The following PTPRN2 variants were observed in gnomAD, a reference collection of about 807,000 sequenced individuals.
PTPRN2 encodes protein tyrosine phosphatase receptor type N2.
PTPRN2 carries 74 observed loss-of-function variants against 118.8 expected under a neutral mutation model. That is an observed-to-expected ratio of 0.62 (90% CI 0.52 to 0.76). The LOEUF (loss-of-function observed/expected upper bound fraction) is 0.76. Ranked by LOEUF, PTPRN2 falls within the 30% of genes least tolerant of loss-of-function variation. PTPRN2 has a pLI of 0.00. For synonymous variants in PTPRN2, 641 were observed against 608.0 expected (o/e 1.05, Z -0.80); for missense variants, 1,481 against 1,394.4 (o/e 1.06, Z -0.99).
At chr7:158,152,045 A>G (rs557216296) in intron 6 of PTPRN2, among the ~76,000 whole-genome samples, 8 of 152,000 alleles carry the variant, frequency 5.3e-5, no homozygotes, top group South Asian at 2.1e-4. Context: ...GTGGTGGCAG[A>G]CGCCTGTAGT....
intron 12 of PTPRN2, among the ~76,000 whole-genome samples, chr7:157,720,738 A>G (rs1799188177): frequency 6.6e-6 from 1 of 152,168 alleles, no homozygotes; most frequent in Non-Finnish European, 1.5e-5. Context: ...CTCACTCTTT[A>G]TAATAGAAAT....
rs985036271 is a variant in PTPRN2, at chr7:158,039,866, C to T, written c.1723+41432G>A. Among the ~76,000 whole-genome samples the T allele has an allele frequency of 2.6e-5, 4 of 152,160 alleles. 1 individual carries two copies. Among genetic ancestry groups the T allele is most frequent in the African/African-American group, 4.8e-5 (2 of 41,508 alleles). ...TATGAGAAGTGCTCTAGTGAGAAAACGGACAATGTGTAGGAACAGATGGGT... is the reference window on the plus strand; with the variant it reads ...TATGAGAAGTGCTCTAGTGAGAAAATGGACAATGTGTAGGAACAGATGGGT... On this transcript the variant is annotated intron_variant, in intron 11 of 22. Transcript: ENST00000389418.
At chr7:158,569,446 C>T (rs1378855919) in intron 1 of PTPRN2, among the ~76,000 whole-genome samples, 1 of 152,270 alleles carries the variant, frequency 6.6e-6, no homozygotes, top group Non-Finnish European at 1.5e-5. Flanking sequence ...CCCTGACACC[C>T]TCCCCGGGAC....
intron 12 of PTPRN2, among the ~76,000 whole-genome samples, chr7:157,736,542 C>T (rs1228463309): frequency 1.3e-5 from 2 of 152,052 alleles, no homozygotes; most frequent in Non-Finnish European, 2.9e-5. Context: ...GGAAGAACCG[C>T]CCCCACCCCC....
intron 13 of PTPRN2, among the ~76,000 whole-genome samples, chr7:157,673,259 G>A (rs1194814473): frequency 1.3e-5 from 2 of 152,152 alleles, no homozygotes; most frequent in African/African-American, 2.4e-5. Flanking sequence ...CCTGACCTCA[G>A]GTGATCTGCC....
chr7:158,110,853 G>T lies in PTPRN2; in HGVS notation c.1619C>A (p.Pro540His). 1 of 1,589,446 alleles carries T rather than the reference G, an allele frequency of 6.3e-7. No individual in the cohort carries two copies. The highest frequency in any genetic ancestry group is 1.1e-5 in the South Asian group (1 of 87,320). The change falls in exon 10 of 23, where the codon CCC becomes CAC. Residue 540 changes from proline (P) to histidine (H), a missense_variant. This residue lies in a region of PTPRN2 where 1,115 missense variants were observed against 994.2 expected (regional missense o/e 1.12). Coordinates refer to ENST00000389418, the MANE Select transcript of PTPRN2 (RefSeq NM_002847.5). Reference protein sequence around the residue: ...VEDVARLLQVPSSAFADVEVL... With the variant: ...VEDVARLLQVHSSAFADVEVL... Reference sequence around the variant, plus strand: ...CTCCACGTCAGCGAACGCACTGCTGGGCACCTGCAGGAGGCGGGCGACGTC... The same window carrying T: ...CTCCACGTCAGCGAACGCACTGCTGTGCACCTGCAGGAGGCGGGCGACGTC...
At chr7:158,095,055 T>C (rs1585418997) in intron 10 of PTPRN2, among the ~76,000 whole-genome samples, 2 of 152,218 alleles carry the variant, frequency 1.3e-5, no homozygotes, top group African/African-American at 4.8e-5. Context: ...GTCCTGTAAC[T>C]GGGGCAGGTT....
At chr7:158,070,308 C>G (rs28712645) in intron 11 of PTPRN2, among the ~76,000 whole-genome samples, 29,163 of 135,946 alleles carry the variant, frequency 0.21, 3,810 homozygotes, top group East Asian at 0.6. Flanking sequence ...GGAGGTGCTC[C>G]TGGTGGTGGA....
At chr7:157,855,268 G>C (rs979229046) in intron 12 of PTPRN2, among the ~76,000 whole-genome samples, 13 of 152,132 alleles carry the variant, frequency 8.5e-5, no homozygotes, top group Non-Finnish European at 1.9e-4. Context: ...CGTGCTCTGC[G>C]GACGCCCAGG....
chr7:157,919,986 T>C lies in PTPRN2; in HGVS notation c.1724-21249A>G, dbSNP rs187190153. On this transcript the variant is annotated intron_variant, in intron 11 of 22. Transcript: ENST00000389418. ...TGCCTACAGTATTAGTATAGTAACA[T>C]GTTGTGCAGGTTTGTAGCCTAGCAG... 3.0e-4 allele frequency among the ~76,000 whole-genome samples: 45 copies of C among 152,330 alleles called. 2 individuals are homozygous for C. In the East Asian group the frequency reaches 6.5e-3, roughly 22 times the overall value.
intron 9 of PTPRN2, among the ~76,000 whole-genome samples, chr7:158,113,386 G>A (rs568143957): frequency 1.3e-5 from 2 of 152,294 alleles, no homozygotes; most frequent in South Asian, 2.1e-4. Flanking sequence ...GCTGGAAGAC[G>A]TCTAGGATGC....
intron 11 of PTPRN2, among the ~76,000 whole-genome samples, chr7:157,972,321 C>T (rs1458184394): frequency 6.6e-6 from 1 of 152,214 alleles, no homozygotes; most frequent in Non-Finnish European, 1.5e-5. Context: ...TGCAGAGGCA[C>T]CTGGAATGAG....
Position 157,903,902 on chromosome 7 carries a change from G to C in PTPRN2, c.1724-5165C>G, listed in dbSNP as rs1172047621. ...ACAAGCAGCTGTGAGGACCACGTGGGAGCCTCTGAGCCAGCATGGCCCAGG... is the reference window on the plus strand; with the variant it reads ...ACAAGCAGCTGTGAGGACCACGTGGCAGCCTCTGAGCCAGCATGGCCCAGG... On this transcript the variant is annotated intron_variant, in intron 11 of 22. Coordinates refer to ENST00000389418, the MANE Select transcript of PTPRN2 (RefSeq NM_002847.5). This position sits in a 1 kb window ranked among gnomAD's most constrained non-coding sequence, Gnocchi z 4.2. 6.6e-6 allele frequency among the ~76,000 whole-genome samples: 1 copy of C among 152,160 alleles called. No individual in the cohort carries two copies. The highest frequency in any genetic ancestry group is 2.4e-5 in the African/African-American group (1 of 41,438).
chr7:157,642,803 T>A (rs7803573), intron 14 of PTPRN2, among the ~76,000 whole-genome samples: 601 of 48,214 alleles, frequency 0.012, 5 homozygotes, highest in African/African-American at 0.041. Flanking sequence ...GTCTACCAAG[T>A]CAAGAAACAG....
chr7:158,258,346 C>T (rs576282158), intron 3 of PTPRN2, among the ~76,000 whole-genome samples: 2 of 152,378 alleles, frequency 1.3e-5, no homozygotes, highest in African/African-American at 2.4e-5. Context: ...GGCTCTGGTG[C>T]GTCTCACACT....
At chr7:158,466,654 C>T (rs1819409144) in intron 2 of PTPRN2, among the ~76,000 whole-genome samples, 1 of 152,188 alleles carries the variant, frequency 6.6e-6, no homozygotes, top group African/African-American at 2.4e-5. Context: ...CTCTTCTGCC[C>T]ATTTAATTTC....
In PTPRN2 at chr7:158,138,401, C is replaced by A. The variant is rs2150457565; in HGVS notation, c.1025G>T (p.Gly342Val). ...MAELMAGLMQ[G>V]VDHGVARGSP... is the part of the protein sequence containing the mutation. ...GCCTCGAGCTACTCCATGGTCCACG[C>A]CTTGCATCAGGCCAGCCATCAGCTC... Residue 342 changes from glycine to valine, a missense_variant, in exon 7 of 23, where the codon GGC becomes GTC. Transcript: ENST00000389418. 1.2e-6 allele frequency: 2 copies of A among 1,613,734 alleles called. No homozygotes were observed. Among genetic ancestry groups the A allele is most frequent in the East Asian group, 4.5e-5 (2 of 44,850 alleles).
intron 11 of PTPRN2, among the ~76,000 whole-genome samples, chr7:158,066,015 T>C (rs2128910822): frequency 6.6e-6 from 1 of 152,326 alleles, no homozygotes; most frequent in Middle Eastern, 3.4e-3. Flanking sequence ...AGGGACGGGC[T>C]TTCTTTCCAT....
chr7:158,310,090 A>AC (rs1206741561), intron 3 of PTPRN2, among the ~76,000 whole-genome samples: 5 of 152,172 alleles, frequency 3.3e-5, no homozygotes, highest in Non-Finnish European at 5.9e-5. Flanking sequence ...TGTTTCAGCC[A>AC]CCCACGCCAT....
Sources: allele counts gnomAD v4.1 joint callset (sites outside exome capture counted in the v4.1 genomes callset), GRCh38; gene constraint gnomAD v4.1.1; regional missense constraint gnomAD v4.1.1; non-coding constraint Gnocchi (gnomAD v3.1); transcripts MANE v1.5; gene names NCBI Gene and HGNC (gene_info 2026-07-23, HGNC 2026-07-21).